Variants in ZDHHC15 observed in about 807,000 individuals in gnomAD.
The protein encoded by ZDHHC15 is palmitoyltransferase ZDHHC15.
In ZDHHC15, 19 loss-of-function variants were observed where a neutral mutation model predicts 31.7. That is an observed-to-expected ratio of 0.60 (90% confidence interval 0.42 to 0.88). ZDHHC15 has a LOEUF of 0.88. ZDHHC15 is among the 40% of genes least tolerant of loss of function. ZDHHC15 has a pLI of 0.00. For missense variants in ZDHHC15, 209 were observed against 251.2 expected (o/e 0.83, Z 1.14); for synonymous variants, 103 against 90.0 (o/e 1.14, Z -0.82).
chrX:75,378,949 C>T (rs1255264196), intron 11 of ZDHHC15, among the ~76,000 whole-genome samples, 171 bp downstream of exon 11: 1 of 111,095 alleles, frequency 9.0e-6, no homozygotes, highest in Non-Finnish European at 1.9e-5. Context: ...TTTCAGCACA[C>T]TGCCAAGGGA....
chrX:75,491,069 G>A (rs1176978099), intron 2 of ZDHHC15, among the ~76,000 whole-genome samples: 1 of 111,648 alleles, frequency 9.0e-6, no homozygotes, highest in African/African-American at 3.3e-5. Context: ...CCAGTGTGGT[G>A]ATTCCTCAGG....
At chrX:75,474,153 G>C (rs1171162520) in intron 3 of ZDHHC15, among the ~76,000 whole-genome samples, 1 of 110,506 alleles carries the variant, frequency 9.0e-6, no homozygotes, top group Non-Finnish European at 1.9e-5. Context: ...TAAGATTTGA[G>C]TCAGTAGGCT....
chrX:75,491,011 C>G (rs1460784969), intron 2 of ZDHHC15, among the ~76,000 whole-genome samples: 1 of 111,682 alleles, frequency 9.0e-6, no homozygotes, highest in Non-Finnish European at 1.9e-5. Flanking sequence ...AATAGGAACA[C>G]TTTTACACTG....
At chrX:75,443,531 G>A (rs931503306) in intron 4 of ZDHHC15, among the ~76,000 whole-genome samples, 3 of 111,674 alleles carry the variant, frequency 2.7e-5, no homozygotes, top group African/African-American at 6.5e-5. Context: ...GAAAACCTAG[G>A]CAATAACATT....
chrX:75,410,070 G>A (rs918939224), intron 10 of ZDHHC15, among the ~76,000 whole-genome samples: 4 of 111,118 alleles, frequency 3.6e-5, no homozygotes, highest in African/African-American at 9.8e-5. Context: ...ATCTCTCTCC[G>A]TATACAAAAG....
chrX:75,380,604 T>G (rs2147755896), intron 10 of ZDHHC15, among the ~76,000 whole-genome samples: 1 of 111,303 alleles, frequency 9.0e-6, no homozygotes, highest in African/African-American at 3.3e-5. Flanking sequence ...AGGATAAGAT[T>G]AAGCTAAGGT....
chrX:75,496,107 G>A (rs1172338876), intron 2 of ZDHHC15, among the ~76,000 whole-genome samples: 1 of 110,614 alleles, frequency 9.0e-6, no homozygotes, highest in African/African-American at 3.3e-5. Context: ...GTCTTCAAGA[G>A]TCTCACCTAA....
chrX:75,416,705 A>G (rs1413012515), intron 10 of ZDHHC15, among the ~76,000 whole-genome samples: 1 of 111,780 alleles, frequency 8.9e-6, no homozygotes, highest in Non-Finnish European at 1.9e-5. Context: ...TAGGATTTTA[A>G]AGAAAATTTA....
chrX:75,458,991 CAAAAAA>C (rs775652299), intron 3 of ZDHHC15, among the ~76,000 whole-genome samples: 1 of 15,686 alleles, frequency 6.4e-5, no homozygotes, highest in African/African-American at 1.4e-4. Context: ...GGCACAGAGA[CAAAAAA>C]AAAAAAAAAA....
rs184046904 is a variant in ZDHHC15 at position 75,429,636 on chromosome X, C to T, written c.482+312G>A. Among the ~76,000 whole-genome samples the T allele has an allele frequency of 5.4e-5, 6 of 111,868 alleles. No homozygotes were observed. In the Admixed American group the frequency reaches 5.7e-4, roughly 11 times the overall value. On this transcript the variant is annotated intron_variant, in intron 6 of 11. Transcript: ENST00000373367. ...TAGAATATTTCAAACATCAAGCCAA[C>T]TAGAAACAGAACTGAATTGTGTAAT...
At chrX:75,472,105 A>C (rs924238121) in intron 3 of ZDHHC15, among the ~76,000 whole-genome samples, 2 of 111,820 alleles carry the variant, frequency 1.8e-5, no homozygotes, top group Admixed American at 1.9e-4. Flanking sequence ...ATGCTCGAGC[A>C]GGTCCTGAAG....
chrX:75,369,851 C>G lies in ZDHHC15; in HGVS notation c.*3127G>C, dbSNP rs914367381. On this transcript the variant is annotated 3_prime_UTR_variant, in exon 12 of 12. Coordinates refer to ENST00000373367, the MANE Select transcript of ZDHHC15 (RefSeq NM_144969.3). ...CATGATAATTCCAGTCCTGGGAAGC[C>G]AAGTTACTTTAACAATGTACTGAAC... 4.5e-5 allele frequency: 5 copies of G among 111,951 alleles called. No homozygotes were observed. The highest frequency in any genetic ancestry group is 9.5e-5 in the Admixed American group (1 of 10,574). The allele number at this position is 111,951 out of a possible 1,213,427, so 9.2% of individuals were successfully genotyped here. A position where few individuals can be genotyped will look rare whatever the true frequency, so the allele number is the denominator to read the frequency against.
chrX:75,425,835 A>T (rs772532913), intron 7 of ZDHHC15, among the ~76,000 whole-genome samples: 26 of 111,647 alleles, frequency 2.3e-4, no homozygotes, highest in African/African-American at 7.5e-4. Flanking sequence ...TTCTTCTCTG[A>T]GATAATATTT....
At chrX:75,515,848 C>A (rs1383266010) in intron 1 of ZDHHC15, among the ~76,000 whole-genome samples, 1 of 111,727 alleles carries the variant, frequency 9.0e-6, no homozygotes, top group Non-Finnish European at 1.9e-5. Context: ...TCATCTCAGG[C>A]CAAAATCTCC....
chrX:75,383,734 G>GTTTTTTTT lies in ZDHHC15; in HGVS notation c.968-4537_968-4536insAAAAAAAA, dbSNP rs541238663. Among the ~76,000 whole-genome samples, 16 of 77,799 alleles carry GTTTTTTTT rather than the reference G, an allele frequency of 2.1e-4. 5 individuals carry two copies. The highest frequency in any genetic ancestry group is 2.6e-4 in the Non-Finnish European group (11 of 41,872). The allele number at this position is 77,799 out of a possible 115,157, so 67.6% of individuals were successfully genotyped here. A position where few individuals can be genotyped will look rare whatever the true frequency, so the allele number is the denominator to read the frequency against. On this transcript the variant is annotated intron_variant, in intron 10 of 11. Transcript: ENST00000373367. ...ACTACCCCAAATTTAAGAAATGTTAGGTTTTTTTTTTTTTTTTTTTTTGAG... is the reference window on the plus strand; with the variant it reads ...ACTACCCCAAATTTAAGAAATGTTAGTTTTTTTTGTTTTTTTTTTTTTTTTTTTTTGAG...
intron 3 of ZDHHC15, among the ~76,000 whole-genome samples, chrX:75,470,589 G>T (rs1363496795): frequency 9.0e-6 from 1 of 111,444 alleles, no homozygotes; most frequent in East Asian, 2.8e-4. Context: ...CTGGCTCTGA[G>T]CTGATGATTC....
At chrX:75,500,901 G>A (rs1487721168) in intron 2 of ZDHHC15, among the ~76,000 whole-genome samples, 8 of 110,139 alleles carry the variant, frequency 7.3e-5, no homozygotes, top group African/African-American at 2.6e-4. Context: ...GATGTTTAAT[G>A]TATTACCAAT....
intron 4 of ZDHHC15, among the ~76,000 whole-genome samples, chrX:75,440,168 T>C (rs1440130712): frequency 8.9e-6 from 1 of 112,392 alleles, no homozygotes; most frequent in Non-Finnish European, 1.9e-5. Context: ...AGTGAAGCTA[T>C]CACGTGGACA....
intron 10 of ZDHHC15, among the ~76,000 whole-genome samples, chrX:75,402,382 T>C (rs1353962322): frequency 9.2e-6 from 1 of 108,133 alleles, no homozygotes; most frequent in Non-Finnish European, 1.9e-5. Context: ...AAATGAGAAA[T>C]AACAAAAATC....
Sources: allele counts gnomAD v4.1 joint callset (sites outside exome capture counted in the v4.1 genomes callset), GRCh38; gene constraint gnomAD v4.1.1; transcripts MANE v1.5; gene names NCBI Gene and HGNC (gene_info 2026-07-23, HGNC 2026-07-21).